CRPPA: variants seen among roughly 807,000 people sequenced by gnomAD.
CRPPA encodes the protein D-ribitol-5-phosphate cytidylyltransferase.
CRPPA carries 43 observed loss-of-function variants against 52.0 expected under a neutral mutation model. The observed-to-expected ratio is 0.83, with a 90% CI of 0.65 to 1.07. The LOEUF (loss-of-function observed/expected upper bound fraction) is 1.07. CRPPA is among the 50% of genes least tolerant of loss of function. The probability of loss-of-function intolerance (pLI) is 0.00; values close to 1 mark genes in which losing one functional copy is unlikely to be tolerated. For missense variants in CRPPA, 629 were observed against 551.7 expected (o/e 1.14, Z -1.40); for synonymous variants, 250 against 203.5 (o/e 1.23, Z -1.94).
intron 3 of CRPPA, among the ~76,000 whole-genome samples, chr7:16,323,107 G>C (rs955359559): frequency 6.6e-6 from 1 of 152,082 alleles, no homozygotes; most frequent in East Asian, 1.9e-4. Context: ...CTCAAGATGA[G>C]ATTTTTGGGT....
rs1782087834 is a variant in CRPPA, at chr7:16,210,035, GCT to G, written c.1251+6029_1251+6030del. ...TTGATATGGATCTGATCCAAATCAA[GCT>G]CTTTAAAAACAATTTTACAGATAAT... On this transcript the variant is annotated intron_variant, in intron 9 of 9. Transcript: ENST00000407010. Among the ~76,000 whole-genome samples, 4 of 152,210 alleles carry G rather than the reference GCT, an allele frequency of 2.6e-5. No homozygotes were observed. The South Asian group carries it at 6.2e-4, about 24-fold the overall frequency.
At chr7:16,127,251 T>G (rs1017569177) in intron 9 of CRPPA, among the ~76,000 whole-genome samples, 11 of 152,194 alleles carry the variant, frequency 7.2e-5, no homozygotes, top group Middle Eastern at 3.4e-3. Context: ...GGGATGAGAA[T>G]CACTGTTTTA....
intron 2 of CRPPA, among the ~76,000 whole-genome samples, chr7:16,395,288 A>C (rs991645181): frequency 2.6e-5 from 4 of 152,038 alleles, no homozygotes; most frequent in African/African-American, 9.7e-5. Context: ...AATAAACCCC[A>C]CCTCTACTGT....
intron 9 of CRPPA, among the ~76,000 whole-genome samples, chr7:16,134,845 C>T (rs1238392035): frequency 2.0e-5 from 3 of 152,108 alleles, no homozygotes; most frequent in Admixed American, 6.6e-5. Context: ...AAAAAGTGCA[C>T]ACAACTAAAT....
chr7:16,174,761 G>T (rs886496983), intron 9 of CRPPA, among the ~76,000 whole-genome samples: 3 of 152,072 alleles, frequency 2.0e-5, no homozygotes, highest in African/African-American at 7.2e-5. Flanking sequence ...TAAGTCAATG[G>T]ATTCTGAATT....
At chr7:16,153,624 G>T (rs974072070) in intron 9 of CRPPA, among the ~76,000 whole-genome samples, 3 of 152,092 alleles carry the variant, frequency 2.0e-5, no homozygotes, top group African/African-American at 4.8e-5. Context: ...TTTGTCACAT[G>T]AAGTGACCTA....
intron 9 of CRPPA, among the ~76,000 whole-genome samples, chr7:16,123,434 T>C (rs963153954): frequency 6.6e-6 from 1 of 152,120 alleles, no homozygotes; most frequent in African/African-American, 2.4e-5. Context: ...GAATTTGTCA[T>C]GTCAGGAAAC....
chr7:16,379,306 G>T (rs1787005503), intron 2 of CRPPA, among the ~76,000 whole-genome samples: 1 of 152,136 alleles, frequency 6.6e-6, no homozygotes, highest in South Asian at 2.1e-4. Context: ...TTGTAGATAT[G>T]TGGCATTATT....
At chr7:16,267,338 G>A (rs1034575065) in intron 6 of CRPPA, among the ~76,000 whole-genome samples, 2 of 152,144 alleles carry the variant, frequency 1.3e-5, no homozygotes. Flanking sequence ...GAATTTCTGA[G>A]AATCCTGTTA....
At chr7:16,395,926 G>A (rs911914068) in intron 2 of CRPPA, among the ~76,000 whole-genome samples, 1 of 152,160 alleles carries the variant, frequency 6.6e-6, no homozygotes, top group Non-Finnish European at 1.5e-5. Flanking sequence ...TCACATAGTA[G>A]CTTCCCCAAC....
At chr7:16,103,254 T>G (rs1186152905) in intron 9 of CRPPA, among the ~76,000 whole-genome samples, 1 of 152,182 alleles carries the variant, frequency 6.6e-6, no homozygotes, top group East Asian at 1.9e-4. Context: ...AGTTGAACAA[T>G]GAGGACACAT....
chr7:16,367,203 T>G (rs1311455401), intron 3 of CRPPA, among the ~76,000 whole-genome samples: 1 of 152,126 alleles, frequency 6.6e-6, no homozygotes, highest in Non-Finnish European at 1.5e-5. Context: ...TTCTTATCTC[T>G]TTCTACTATA....
At chr7:16,336,215 T>C (rs1184430221) in intron 3 of CRPPA, among the ~76,000 whole-genome samples, 1 of 151,808 alleles carries the variant, frequency 6.6e-6, no homozygotes, top group African/African-American at 2.4e-5. Flanking sequence ...TAGAATTCTC[T>C]AATATTGTAA....
At chr7:16,200,461 T>A (rs543251487) in intron 9 of CRPPA, among the ~76,000 whole-genome samples, 3 of 152,194 alleles carry the variant, frequency 2.0e-5, no homozygotes, top group Non-Finnish European at 2.9e-5. Context: ...GAGTACTACA[T>A]GCATGATCTA....
intron 3 of CRPPA, among the ~76,000 whole-genome samples, chr7:16,344,124 A>G (rs550530216): frequency 6.6e-6 from 1 of 152,304 alleles, no homozygotes; most frequent in African/African-American, 2.4e-5. Flanking sequence ...TCTGATTTTT[A>G]AAGTTGTCAT....
At chr7:16,267,878 T>C (rs1432346307) in intron 6 of CRPPA, among the ~76,000 whole-genome samples, 1 of 152,198 alleles carries the variant, frequency 6.6e-6, no homozygotes, top group Non-Finnish European at 1.5e-5. Context: ...AGTGTAACTA[T>C]ATAGCATTTA....
At chr7:16,373,656 TTGAATAAA>T (rs1317721242) in intron 3 of CRPPA, among the ~76,000 whole-genome samples, 1 of 152,178 alleles carries the variant, frequency 6.6e-6, no homozygotes, top group African/African-American at 2.4e-5. Flanking sequence ...AAAGAATTCC[TTGAATAAA>T]TGATAATTAC....
chr7:16,301,221 A>G (rs1784783898), intron 5 of CRPPA, among the ~76,000 whole-genome samples, 200 bp downstream of exon 5: 2 of 152,236 alleles, frequency 1.3e-5, no homozygotes, highest in Admixed American at 1.3e-4. Flanking sequence ...AAAAATTAAA[A>G]TCAATGTGGT....
intron 6 of CRPPA, chr7:16,268,882 ACT>A (rs1349696094): frequency 2.6e-5 from 4 of 152,138 alleles, no homozygotes; most frequent in African/African-American, 9.7e-5. Context: ...CAATTTCATC[ACT>A]GTTGCTAACT....
Sources: gnomAD v4.1 joint callset for allele counts (sites outside exome capture counted in the v4.1 genomes callset) on GRCh38, gnomAD v4.1.1 for gene constraint, MANE v1.5 for transcripts, NCBI Gene and HGNC (gene_info 2026-07-23, HGNC 2026-07-21) for gene names.